FBN2: variants seen among roughly 807,000 people sequenced by gnomAD.
FBN2 encodes fibrillin 2.
Under a neutral mutation model 355.6 loss-of-function variants are expected in FBN2, and 105 were observed. The observed-to-expected ratio is 0.30, with a 90% CI of 0.25 to 0.35. FBN2 has a LOEUF of 0.35. Ranked by LOEUF, FBN2 falls within the 10% of genes least tolerant of loss-of-function variation. The pLI, the probability that FBN2 is intolerant of heterozygous loss-of-function variation, is 1.00. For synonymous variants in FBN2, 1,350 were observed against 1,301.2 expected, an observed-to-expected ratio of 1.04 and a Z score of -0.81; for missense variants, 3,280 against 3,758.7, an observed-to-expected ratio of 0.87 and a Z score of 3.33.
At chr5:128,487,368 G>C (rs1755365521) in intron 5 of FBN2, among the ~76,000 whole-genome samples, 1 of 152,200 alleles carries the variant, frequency 6.6e-6, no homozygotes, top group African/African-American at 2.4e-5. Context: ...TTTTACGGTT[G>C]GTTGTTATGA....
intron 5 of FBN2, among the ~76,000 whole-genome samples, chr5:128,466,185 T>G (rs1754706089): frequency 6.6e-6 from 1 of 152,214 alleles, no homozygotes; most frequent in Admixed American, 6.5e-5. Flanking sequence ...ACCAATTCAA[T>G]TATTCTCATT....
At position 128,288,569 on chromosome 5, in the gene FBN2, GAAT is replaced by G. The variant is rs756212920; in HGVS notation, c.6638-15_6638-13del. On this transcript the variant is annotated splice_polypyrimidine_tract_variant and intron_variant, in intron 52 of 64. Coordinates refer to ENST00000262464, the MANE Select transcript of FBN2 (RefSeq NM_001999.4). ...ACACTCATCAGTATCTGAAAAAGAAGAATAAGAAACTGCCACAAAGATGTTTTA... is the reference window on the plus strand; with the variant it reads ...ACACTCATCAGTATCTGAAAAAGAAGAAGAAACTGCCACAAAGATGTTTTA... The G allele has an allele frequency of 6.2e-6, 10 of 1,612,614 alleles. No homozygotes were observed. The highest frequency in any genetic ancestry group is 1.7e-5 in the Admixed American group (1 of 59,988).
chr5:128,287,453 A>G (rs1472865938), intron 53 of FBN2, 23 bp from the exon 54 acceptor site: 2 of 1,613,174 alleles, frequency 1.2e-6, no homozygotes, highest in East Asian at 4.5e-5. Context: ...ATGGACAGGA[A>G]TGTGCTCAGC....
rs375135682 is a variant in FBN2 at position 128,259,221 on chromosome 5, A to G, written c.*234T>C. On this transcript the variant is annotated 3_prime_UTR_variant, in exon 65 of 65. Coordinates refer to ENST00000262464, the MANE Select transcript of FBN2 (RefSeq NM_001999.4). ...TAGGTTTCTTTTAATATATTTTAAA[A>G]TGAAGTTATATAAAAAATACAGTAA... 259 of 528,654 alleles carry G rather than the reference A, an allele frequency of 4.9e-4. 2 individuals are homozygous for G. In the South Asian group the frequency reaches 5.7e-3, roughly 12 times the overall value. The allele number at this position is 528,654 out of a possible 1,614,324, so 32.7% of individuals were successfully genotyped here.
intron 34 of FBN2, among the ~76,000 whole-genome samples, chr5:128,326,300 G>A (rs1750545223): frequency 6.6e-6 from 1 of 152,200 alleles, no homozygotes; most frequent in Admixed American, 6.5e-5. Context: ...TGGAGGGAGA[G>A]AAGATTGAGA....
intron 7 of FBN2, among the ~76,000 whole-genome samples, chr5:128,443,480 G>C (rs1456610170): frequency 6.6e-6 from 1 of 152,138 alleles, no homozygotes; most frequent in African/African-American, 2.4e-5. Context: ...TAAAGACAGA[G>C]GCTCTGTCCT....
At chr5:128,281,627 TA>T (rs1386945303) in intron 55 of FBN2, among the ~76,000 whole-genome samples, 1 of 152,208 alleles carries the variant, frequency 6.6e-6, no homozygotes, top group Non-Finnish European at 1.5e-5. Context: ...GGTCCACTTA[TA>T]TTATTTCTTC....
intron 8 of FBN2, among the ~76,000 whole-genome samples, chr5:128,406,853 T>A (rs1386347008): frequency 6.6e-6 from 1 of 152,148 alleles, no homozygotes; most frequent in Non-Finnish European, 1.5e-5. Flanking sequence ...AAGGGGGAAT[T>A]AGAGTATTAA....
At chr5:128,408,905 T>G in intron 7 of FBN2, 106 bp from the exon 8 acceptor site, 2 of 1,195,296 alleles carry the variant, frequency 1.7e-6, no homozygotes, top group Non-Finnish European at 2.5e-6. Context: ...GTTGATTAGG[T>G]CAGATCATAT....
chr5:128,451,620 G>A (rs543303115), intron 6 of FBN2, among the ~76,000 whole-genome samples: 89 of 152,108 alleles, frequency 5.9e-4, no homozygotes, highest in African/African-American at 2.1e-3. Flanking sequence ...GGCTGGTCTC[G>A]AACTCCTGAC....
At chr5:128,505,585 T>A (rs1755933880) in intron 5 of FBN2, among the ~76,000 whole-genome samples, 1 of 152,166 alleles carries the variant, frequency 6.6e-6, no homozygotes, top group African/African-American at 2.4e-5. Context: ...CCTTCACTCT[T>A]ACAAGTTACC....
chr5:128,427,919 A>G (rs1479993084), intron 7 of FBN2, among the ~76,000 whole-genome samples: 4 of 152,162 alleles, frequency 2.6e-5, no homozygotes, highest in Non-Finnish European at 5.9e-5. Context: ...TTCGGTAAAC[A>G]TTCCTGATAA....
At chr5:128,302,030 A>C (rs1009645159) in intron 46 of FBN2, among the ~76,000 whole-genome samples, 1 of 152,232 alleles carries the variant, frequency 6.6e-6, no homozygotes, top group African/African-American at 2.4e-5. Context: ...GTTTTCATTT[A>C]AGTTTTAGTT....
intron 59 of FBN2, among the ~76,000 whole-genome samples, chr5:128,275,031 T>C (rs1765355195): frequency 6.6e-6 from 1 of 152,088 alleles, no homozygotes. Context: ...CTGATTCCTA[T>C]TAAAGGAAGG....
chr5:128,378,832 A>G lies in FBN2; in HGVS notation c.1662T>C (p.Gly554=), dbSNP rs1400948280. ...CTNGDCVNTP[G]SYYCKCHAGF... Reference sequence around the variant, plus strand: ...CAGCATGACATTTACAATAATAGGAACCAGGTGTGTTAACACAATCTCCAT... The same window carrying G: ...CAGCATGACATTTACAATAATAGGAGCCAGGTGTGTTAACACAATCTCCAT... Residue 554 remains glycine (G), a synonymous_variant, in exon 12 of 65, where the codon GGT becomes GGC. Coordinates refer to ENST00000262464, the MANE Select transcript of FBN2 (RefSeq NM_001999.4). The G allele has an allele frequency of 5.0e-6, 8 of 1,613,184 alleles. No homozygotes were observed. Among genetic ancestry groups the G allele is most frequent in the Admixed American group, 1.7e-5 (1 of 59,946 alleles).
At chr5:128,344,654 T>G (rs1751120192) in intron 24 of FBN2, 144 bp from the exon 25 acceptor site, 2 of 741,128 alleles carry the variant, frequency 2.7e-6, no homozygotes, top group African/African-American at 3.5e-5. Flanking sequence ...GTGATCACAC[T>G]GATATCACAC....
At chr5:128,483,726 A>T (rs758768718) in intron 5 of FBN2, among the ~76,000 whole-genome samples, 2 of 151,076 alleles carry the variant, frequency 1.3e-5, no homozygotes, top group Non-Finnish European at 2.9e-5. Flanking sequence ...CTGGTTGGCA[A>T]TCAGGGGTGG....
intron 5 of FBN2, among the ~76,000 whole-genome samples, chr5:128,470,938 G>A (rs1270790840): frequency 6.6e-6 from 1 of 151,894 alleles, no homozygotes; most frequent in Non-Finnish European, 1.5e-5. Flanking sequence ...CTTCTATGCT[G>A]TAACTGCAAG....
At chr5:128,466,117 G>T (rs1754703500) in intron 5 of FBN2, among the ~76,000 whole-genome samples, 1 of 152,184 alleles carries the variant, frequency 6.6e-6, no homozygotes, top group Admixed American at 6.5e-5. Flanking sequence ...CAGCTTTGTT[G>T]TTGTTGCTGT....
Sources: allele counts gnomAD v4.1 joint callset (sites outside exome capture counted in the v4.1 genomes callset), GRCh38; gene constraint gnomAD v4.1.1; transcripts MANE v1.5; gene names NCBI Gene and HGNC (gene_info 2026-07-23, HGNC 2026-07-21).